Variants in HS6ST1 observed in about 807,000 individuals in gnomAD.
HS6ST1 encodes heparan-sulfate 6-O-sulfotransferase 1.
HS6ST1 carries 3 observed loss-of-function variants against 25.2 expected under a neutral mutation model. The ratio of observed to expected loss-of-function variants is 0.12; its 90% CI spans 0.05 to 0.31. The LOEUF is 0.31. HS6ST1 is among the 10% of genes least tolerant of loss of function. The pLI is 1.00. For synonymous variants in HS6ST1, 204 were observed against 275.1 expected (o/e 0.74, Z 2.56); for missense variants, 310 against 609.6 (o/e 0.51, Z 5.18).
At chr2:128,297,139 A>G (rs1694050902) in intron 1 of HS6ST1, among the ~76,000 whole-genome samples, 1 of 152,234 alleles carries the variant, frequency 6.6e-6, no homozygotes, top group African/African-American at 2.4e-5. Context: ...TTCAAAACTT[A>G]ACTACAAAGC....
chr2:128,276,160 C>T (rs762684389), intron 1 of HS6ST1, among the ~76,000 whole-genome samples: 2 of 152,200 alleles, frequency 1.3e-5, no homozygotes, highest in Non-Finnish European at 2.9e-5. Flanking sequence ...GACAGTCTCG[C>T]TCTGTTGCCC....
intron 1 of HS6ST1, among the ~76,000 whole-genome samples, chr2:128,315,185 C>T (rs886757214): frequency 1.3e-5 from 2 of 152,222 alleles, no homozygotes; most frequent in East Asian, 1.9e-4. Context: ...CAGGGACCCG[C>T]CAATGCTCTG....
At chr2:128,270,674 T>C (rs1693596964) in intron 1 of HS6ST1, among the ~76,000 whole-genome samples, 1 of 152,226 alleles carries the variant, frequency 6.6e-6, no homozygotes, top group Non-Finnish European at 1.5e-5. Flanking sequence ...GCTGACCCTG[T>C]GTCCAGGGGA....
intron 1 of HS6ST1, among the ~76,000 whole-genome samples, chr2:128,317,740 G>A (rs937296886): frequency 6.6e-6 from 1 of 152,250 alleles, no homozygotes; most frequent in Non-Finnish European, 1.5e-5. Flanking sequence ...TGGCCCGAGG[G>A]CAGCGGGCGG....
intron 1 of HS6ST1, among the ~76,000 whole-genome samples, chr2:128,275,210 G>T (rs375818295): frequency 6.6e-6 from 1 of 152,122 alleles, no homozygotes; most frequent in East Asian, 1.9e-4. Context: ...TTGCCTCAGC[G>T]GTAAATGATG....
chr2:128,280,675 G>A (rs1573694129), intron 1 of HS6ST1, among the ~76,000 whole-genome samples: 1 of 149,970 alleles, frequency 6.7e-6, no homozygotes, highest in African/African-American at 2.5e-5. Context: ...TCTTGGTGAC[G>A]TCTGTAGAAG....
intron 1 of HS6ST1, among the ~76,000 whole-genome samples, chr2:128,289,318 T>C (rs1693914069): frequency 6.6e-6 from 1 of 152,232 alleles, no homozygotes; most frequent in African/African-American, 2.4e-5. Flanking sequence ...CAAGCACTTC[T>C]GTGGTTGGTG....
chr2:128,298,738 TGAC>T (rs1397516846), intron 1 of HS6ST1, among the ~76,000 whole-genome samples: 18 of 152,196 alleles, frequency 1.2e-4, no homozygotes, highest in Admixed American at 1.2e-3. Context: ...ATGATGGTGA[TGAC>T]TGTACAATGT....
intron 1 of HS6ST1, among the ~76,000 whole-genome samples, chr2:128,273,719 C>T (rs1219329318): frequency 3.3e-5 from 5 of 152,258 alleles, no homozygotes; most frequent in Admixed American, 3.3e-4. Context: ...GCTCCGTCCT[C>T]TTTCCTCCAT....
chr2:128,316,230 A>G (rs144785557), intron 1 of HS6ST1, among the ~76,000 whole-genome samples: 136 of 152,354 alleles, frequency 8.9e-4, no homozygotes, highest in Non-Finnish European at 1.5e-3. Flanking sequence ...GGCTGCAGGA[A>G]GAGCATCCTG....
chr2:128,276,701 C>A lies in HS6ST1; in HGVS notation c.528-7831G>T, dbSNP rs1001762513. Reference sequence around the variant, plus strand: ...GACAAATTGAGACTCTAGAAGGCAGCCTGAGAGGCCCAGCTGGCCTTCCAG... The same window carrying A: ...GACAAATTGAGACTCTAGAAGGCAGACTGAGAGGCCCAGCTGGCCTTCCAG... On this transcript the variant is annotated intron_variant, in intron 1 of 1. Coordinates refer to ENST00000259241, the MANE Select transcript of HS6ST1 (RefSeq NM_004807.3). 2.6e-5 allele frequency among the ~76,000 whole-genome samples: 4 copies of A among 152,146 alleles called. No homozygotes were observed. The East Asian group carries it at 7.7e-4, about 29-fold the overall frequency.
At chr2:128,284,876 G>A (rs896147187) in intron 1 of HS6ST1, among the ~76,000 whole-genome samples, 1 of 152,160 alleles carries the variant, frequency 6.6e-6, no homozygotes, top group Admixed American at 6.5e-5. Context: ...GGACCCCACG[G>A]CTGCAGACCC....
At chr2:128,275,713 G>A (rs911629483) in intron 1 of HS6ST1, among the ~76,000 whole-genome samples, 1 of 152,226 alleles carries the variant, frequency 6.6e-6, no homozygotes, top group Non-Finnish European at 1.5e-5. Flanking sequence ...GCAAGAGTAG[G>A]CACGAATGCA....
At chr2:128,279,160 G>A (rs1380998185) in intron 1 of HS6ST1, among the ~76,000 whole-genome samples, 1 of 151,988 alleles carries the variant, frequency 6.6e-6, no homozygotes, top group African/African-American at 2.4e-5. Context: ...CCCCTCCCAT[G>A]CCCGAAGCTG....
intron 1 of HS6ST1, among the ~76,000 whole-genome samples, chr2:128,295,949 G>A (rs1333069667): frequency 1.3e-5 from 2 of 152,212 alleles, no homozygotes; most frequent in East Asian, 1.9e-4. Context: ...CAACGTGATG[G>A]CATTTGGAGG....
rs151203488 is a variant in HS6ST1 at position 128,283,737 on chromosome 2, C to T, written c.528-14867G>A. Among the ~76,000 whole-genome samples the T allele has an allele frequency of 2.0e-3, 304 of 152,272 alleles. 1 individual carries two copies. The East Asian group carries it at 0.026, about 13-fold the overall frequency. On this transcript the variant is annotated intron_variant, in intron 1 of 1. Coordinates refer to ENST00000259241, the MANE Select transcript of HS6ST1 (RefSeq NM_004807.3). ...GCCAGGCTGCTGGAGTGTGGGTCTACCCCTGTGGGTGAGGTGCCTGCTGGC... is the reference window on the plus strand; with the variant it reads ...GCCAGGCTGCTGGAGTGTGGGTCTATCCCTGTGGGTGAGGTGCCTGCTGGC...
In HS6ST1 at chr2:128,268,348, G is replaced by A. The variant is rs541648176; in HGVS notation, c.1050C>T (p.Tyr350=). 7.6e-5 allele frequency: 122 copies of A among 1,613,670 alleles called. No homozygotes were observed. The highest frequency in any genetic ancestry group is 3.7e-4 in the Admixed American group (22 of 60,022). ...LNDLDMQLYD[Y]AKDLFQQRYQ... ...AGCGCTGCTGGAAGAGGTCCTTGGCGTAGTCGTACAGCTGCATGTCCAGGT... is the reference window on the plus strand; with the variant it reads ...AGCGCTGCTGGAAGAGGTCCTTGGCATAGTCGTACAGCTGCATGTCCAGGT... The change falls in exon 2 of 2, where the codon TAC becomes TAT. Residue 350 remains tyrosine (Y), a synonymous_variant. Coordinates refer to ENST00000259241, the MANE Select transcript of HS6ST1 (RefSeq NM_004807.3).
At chr2:128,287,070 C>T (rs562201198) in intron 1 of HS6ST1, among the ~76,000 whole-genome samples, 3 of 152,294 alleles carry the variant, frequency 2.0e-5, no homozygotes, top group South Asian at 2.1e-4. Flanking sequence ...GATCTCATTG[C>T]GCCCTGACAA....
intron 1 of HS6ST1, among the ~76,000 whole-genome samples, chr2:128,271,618 C>T (rs1290866880): frequency 6.6e-6 from 1 of 152,194 alleles, no homozygotes; most frequent in African/African-American, 2.4e-5. Context: ...TCTGTCCGCC[C>T]CTGCTGTCAA....
Sources: allele counts gnomAD v4.1 joint callset (sites outside exome capture counted in the v4.1 genomes callset), GRCh38; gene constraint gnomAD v4.1.1; transcripts MANE v1.5; gene names NCBI Gene and HGNC (gene_info 2026-07-23, HGNC 2026-07-21).